SFMBT2: variants seen among roughly 807,000 people sequenced by gnomAD.
The protein encoded by SFMBT2 is Scm like with four mbt domains 2, also known as scm-like with four MBT domains protein 2.
A neutral mutation model predicts 110.1 loss-of-function variants in SFMBT2; 38 were observed. The ratio of observed to expected loss-of-function variants is 0.35; its 90% confidence interval spans 0.27 to 0.45. SFMBT2 has a LOEUF of 0.45. SFMBT2 is among the 20% of genes least tolerant of loss of function. SFMBT2 has a pLI of 1.00. For missense variants in SFMBT2, 1,011 were observed against 1,094.9 expected (o/e 0.92, Z 1.08); for synonymous variants, 425 against 425.4 (o/e 1.00, Z 0.01).
chr10:7,204,358 CACAGAACAGGCT>C (rs1179749317), intron 12 of SFMBT2: 1 of 985,206 alleles, frequency 1.0e-6, no homozygotes, highest in African/African-American at 1.7e-5. Context: ...CAGAAGTGGC[CACAGAACAGGCT>C]GTTAGGAAGA....
chr10:7,167,350 A>G (rs181086147), intron 20 of SFMBT2, among the ~76,000 whole-genome samples: 10 of 152,322 alleles, frequency 6.6e-5, no homozygotes, highest in Admixed American at 4.6e-4. Flanking sequence ...TTGCAGCATG[A>G]GATTATGGAG....
intron 4 of SFMBT2, among the ~76,000 whole-genome samples, chr10:7,336,858 G>C (rs1564446733): frequency 1.3e-5 from 2 of 152,160 alleles, no homozygotes; most frequent in Non-Finnish European, 2.9e-5. Context: ...ACAGCTGAGA[G>C]AAAACTGAGG....
intron 1 of SFMBT2, among the ~76,000 whole-genome samples, chr10:7,405,089 AAG>A (rs1427592143): frequency 6.6e-6 from 1 of 152,184 alleles, no homozygotes; most frequent in Non-Finnish European, 1.5e-5. Context: ...TAGTCTAACA[AAG>A]AGAGGAAGAC....
chr10:7,314,044 C>G (rs1842923811), intron 4 of SFMBT2, among the ~76,000 whole-genome samples: 1 of 152,132 alleles, frequency 6.6e-6, no homozygotes, highest in Non-Finnish European at 1.5e-5. Flanking sequence ...TTACTTTTGT[C>G]ATTTTTTAAA....
chr10:7,381,078 T>TACATACAC (rs1845408182), intron 2 of SFMBT2, among the ~76,000 whole-genome samples: 1 of 132,490 alleles, frequency 7.5e-6, no homozygotes, highest in Non-Finnish European at 1.5e-5. Context: ...CACACATACA[T>TACATACAC]ACATACATAC....
At chr10:7,190,958 G>T (rs898380403) in intron 15 of SFMBT2, among the ~76,000 whole-genome samples, 1 of 152,150 alleles carries the variant, frequency 6.6e-6, no homozygotes. Context: ...AGTCTCATGA[G>T]ATCTGATGGT....
chr10:7,204,043 G>A (rs1050569712), intron 12 of SFMBT2: 1 of 243,536 alleles, frequency 4.1e-6, no homozygotes, highest in Admixed American at 6.5e-5. Context: ...TAAGAGACAG[G>A]GGAAAAGAAT....
At position 7,220,510 on chromosome 10, in the gene SFMBT2, TCTTTGTGAAACCTCG is replaced by T; in HGVS notation, c.1216_1230del (p.Arg406_Lys410del). ...GGGTTCACAGCTTCAAGTTTCATGT[TCTTTGTGAAACCTCG>T]ACTGAATGATGTCTGCAAGAGAAAC... On this transcript the variant is annotated inframe_deletion, in exon 11 of 21. Transcript: ENST00000397167. The T allele has an allele frequency of 6.2e-7, 1 of 1,614,150 alleles. No individual in the cohort carries two copies. Among genetic ancestry groups the T allele is most frequent in the Non-Finnish European group, 8.5e-7 (1 of 1,180,008 alleles).
At chr10:7,165,347 C>T (rs1187637643) in intron 20 of SFMBT2, among the ~76,000 whole-genome samples, 1 of 152,200 alleles carries the variant, frequency 6.6e-6, no homozygotes, top group Non-Finnish European at 1.5e-5. Flanking sequence ...TTTTCTTAAA[C>T]TAACGGTTTA....
At position 7,293,310 on chromosome 10, in the gene SFMBT2, G is replaced by C. The variant is rs1223644187; in HGVS notation, c.437-7356C>G. ...CACCGGGTTTCACCATGTTGGCCAG[G>C]CTGGTCTTGAACTCCTGACTTCAGG... On this transcript the variant is annotated intron_variant, in intron 4 of 20. Transcript: ENST00000397167. The surrounding 1 kb of genome is among the most constrained non-coding windows in gnomAD (Gnocchi z 4.6). 2.0e-5 allele frequency among the ~76,000 whole-genome samples: 3 copies of C among 152,142 alleles called. No homozygotes were observed. Among genetic ancestry groups the C allele is most frequent in the African/African-American group, 7.2e-5 (3 of 41,428 alleles).
Position 7,241,162 on chromosome 10 carries a change from G to A in SFMBT2, c.1120+2396C>T, listed in dbSNP as rs149585906. 3.6e-3 allele frequency: 622 copies of A among 175,020 alleles called. 3 individuals carry two copies. The highest frequency in any genetic ancestry group is 0.013 in the African/African-American group (565 of 41,970). 10.8% of individuals were successfully genotyped at this position (175,020 alleles called of 1,614,324 possible). ...CTGCCATCCATGTAAGACGTGACCT[G>A]CTCCTCATTGCCTTCCACCATGATT... On this transcript the variant is annotated intron_variant, in intron 9 of 20. Coordinates refer to ENST00000397167, the MANE Select transcript of SFMBT2 (RefSeq NM_001387889.1).
chr10:7,274,729 C>T (rs1841712920), intron 7 of SFMBT2, among the ~76,000 whole-genome samples: 1 of 152,148 alleles, frequency 6.6e-6, no homozygotes, highest in South Asian at 2.1e-4. Context: ...CTGGTGCATG[C>T]CTGTGGTTCT....
At chr10:7,209,448 C>A (rs1245185676) in intron 11 of SFMBT2, among the ~76,000 whole-genome samples, 4 of 152,230 alleles carry the variant, frequency 2.6e-5, no homozygotes, top group Non-Finnish European at 5.9e-5. Context: ...GAACCTTCGT[C>A]TCAAAAACCA....
chr10:7,239,839 C>T (rs567972365), intron 9 of SFMBT2, among the ~76,000 whole-genome samples: 97 of 152,176 alleles, frequency 6.4e-4, no homozygotes, highest in African/African-American at 2.2e-3. Flanking sequence ...AGTGTGGATA[C>T]GGTTGTGTAG....
chr10:7,393,299 G>C (rs1392625734), intron 1 of SFMBT2, among the ~76,000 whole-genome samples: 1 of 151,930 alleles, frequency 6.6e-6, no homozygotes, highest in Non-Finnish European at 1.5e-5. Flanking sequence ...CCAAAGTGCT[G>C]GGATTACAGA....
chr10:7,373,199 GGTT>G (rs1032082696), intron 2 of SFMBT2, among the ~76,000 whole-genome samples: 5 of 152,064 alleles, frequency 3.3e-5, no homozygotes, highest in African/African-American at 1.2e-4. Flanking sequence ...CTCGAGAGTG[GGTT>G]GTTAAGACCC....
intron 4 of SFMBT2, among the ~76,000 whole-genome samples, chr10:7,302,023 C>T (rs372678855): frequency 8.5e-5 from 13 of 152,228 alleles, no homozygotes; most frequent in African/African-American, 3.1e-4. Flanking sequence ...GTCATAGGTC[C>T]ACAATTCCAA....
In SFMBT2 at chr10:7,276,983, T is replaced by G. The variant is rs1564418007; in HGVS notation, c.779A>C (p.Tyr260Ser). The G allele has an allele frequency of 1.1e-6, 1 of 872,020 alleles. No individual in the cohort carries two copies. The highest frequency in any genetic ancestry group is 2.4e-5 in the East Asian group (1 of 41,706). 54.0% of individuals were successfully genotyped at this position (872,020 alleles called of 1,614,324 possible). A position where few individuals can be genotyped will look rare whatever the true frequency, so the allele number is the denominator to read the frequency against. ...KYRMDPPSEI[Y>S]PLKMASEWKC... Reference sequence around the variant, plus strand: ...CCATTCAGAGGCCATCTTCAAAGGATAGATTTCTGTATCAACAGCAAATCA... The same window carrying G: ...CCATTCAGAGGCCATCTTCAAAGGAGAGATTTCTGTATCAACAGCAAATCA... Residue 260 changes from tyrosine to serine, a missense_variant, in exon 7 of 21, where the codon TAT becomes TCT. By Grantham distance (144) the Tyr-to-Ser change is moderately radical. Transcript: ENST00000397167.
intron 9 of SFMBT2, among the ~76,000 whole-genome samples, chr10:7,234,509 A>C (rs59442241): frequency 0.014 from 2,161 of 152,344 alleles, 27 homozygotes; most frequent in African/African-American, 0.047. Context: ...AGTGAATTTA[A>C]GGATAACATA....
Sources: allele counts gnomAD v4.1 joint callset (sites outside exome capture counted in the v4.1 genomes callset), GRCh38; gene constraint gnomAD v4.1.1; non-coding constraint Gnocchi (gnomAD v3.1); transcripts MANE v1.5; gene names NCBI Gene and HGNC (gene_info 2026-07-23, HGNC 2026-07-21).